Variants in LSAMP observed in about 807,000 individuals in gnomAD.
The protein encoded by LSAMP is limbic system associated membrane protein.
In LSAMP, 7 loss-of-function variants were observed where a neutral mutation model predicts 38.6. That is an observed-to-expected ratio of 0.18 (90% CI 0.10 to 0.34). The LOEUF is 0.34. Among genes scored for constraint, LSAMP ranks in the 10% least tolerant of loss-of-function variants. The probability of loss-of-function intolerance (pLI) is 1.00; values close to 1 mark genes in which losing one functional copy is unlikely to be tolerated. For missense variants in LSAMP, 313 were observed against 420.0 expected (o/e 0.75, Z 2.23); for synonymous variants, 154 against 166.8 (o/e 0.92, Z 0.59).
chr3:116,196,983 TC>T (rs1338956051), intron 1 of LSAMP, among the ~76,000 whole-genome samples: 1 of 152,156 alleles, frequency 6.6e-6, no homozygotes, highest in African/African-American at 2.4e-5. Context: ...GCCCAAACTG[TC>T]TGCACCTCCC....
intron 3 of LSAMP, among the ~76,000 whole-genome samples, chr3:115,905,374 A>G (rs538422574): frequency 3.3e-5 from 5 of 152,048 alleles, no homozygotes; most frequent in African/African-American, 4.8e-5. Flanking sequence ...TCTTCAGTGC[A>G]CAGACACATG....
At chr3:116,259,775 G>T (rs1563939) in intron 1 of LSAMP, among the ~76,000 whole-genome samples, 3 of 152,060 alleles carry the variant, frequency 2.0e-5, no homozygotes, top group African/African-American at 7.3e-5. Flanking sequence ...ATAAGAAAAA[G>T]TCTCAACTAA....
intron 1 of LSAMP, among the ~76,000 whole-genome samples, chr3:116,145,501 C>T (rs1381807739): frequency 1.3e-5 from 2 of 151,892 alleles, no homozygotes; most frequent in Non-Finnish European, 2.9e-5. Flanking sequence ...TTTGGAGGAC[C>T]TCAGTCTTTT....
intron 3 of LSAMP, among the ~76,000 whole-genome samples, chr3:115,973,076 G>A (rs1224522137): frequency 6.6e-6 from 1 of 151,992 alleles, no homozygotes; most frequent in Non-Finnish European, 1.5e-5. Context: ...AGGGAGAAAT[G>A]GGAGATAGAT....
At chr3:116,007,560 G>T (rs1012714542) in intron 3 of LSAMP, among the ~76,000 whole-genome samples, 1 of 152,098 alleles carries the variant, frequency 6.6e-6, no homozygotes, top group African/African-American at 2.4e-5. Context: ...AAGACAAAGT[G>T]GGAATTTCTG....
intron 6 of LSAMP, chr3:115,816,512 T>C (rs1376486145): frequency 4.7e-6 from 3 of 644,616 alleles, no homozygotes. Context: ...GAAATTGTTA[T>C]CACAAATTAT....
intron 1 of LSAMP, among the ~76,000 whole-genome samples, chr3:116,325,300 C>T (rs2047755309): frequency 6.6e-6 from 1 of 151,906 alleles, no homozygotes; most frequent in Admixed American, 6.6e-5. Flanking sequence ...ACCACCACAC[C>T]TGGCCTAAAT....
chr3:115,987,801 T>A (rs550681692), intron 3 of LSAMP, among the ~76,000 whole-genome samples: 1 of 152,278 alleles, frequency 6.6e-6, no homozygotes, highest in Non-Finnish European at 1.5e-5. Context: ...GCAAGCATAT[T>A]TTGCAGTCAG....
At chr3:116,173,606 T>TG (rs1559769952) in intron 1 of LSAMP, among the ~76,000 whole-genome samples, 2 of 151,986 alleles carry the variant, frequency 1.3e-5, no homozygotes, top group Non-Finnish European at 2.9e-5. Flanking sequence ...CATACTAGGT[T>TG]TCTATTATGT....
At chr3:116,236,775 T>A (rs895343308) in intron 1 of LSAMP, among the ~76,000 whole-genome samples, 9 of 152,042 alleles carry the variant, frequency 5.9e-5, no homozygotes, top group African/African-American at 2.2e-4. Flanking sequence ...GATATTTGAA[T>A]AAACCACAAT....
chr3:115,875,923 C>G (rs1036680467), intron 3 of LSAMP, among the ~76,000 whole-genome samples: 3 of 152,042 alleles, frequency 2.0e-5, no homozygotes, highest in Non-Finnish European at 4.4e-5. Flanking sequence ...CCTTAAGTAC[C>G]ATTAACAGCA....
At chr3:116,007,226 A>G (rs1940186867) in intron 3 of LSAMP, among the ~76,000 whole-genome samples, 1 of 152,220 alleles carries the variant, frequency 6.6e-6, no homozygotes, top group African/African-American at 2.4e-5. Flanking sequence ...CTTGAGAAAA[A>G]TTTCTGACTT....
chr3:115,949,989 TATG>T (rs1204161859), intron 3 of LSAMP, among the ~76,000 whole-genome samples: 1 of 152,034 alleles, frequency 6.6e-6, no homozygotes, highest in Non-Finnish European at 1.5e-5. Flanking sequence ...ACAAAAACCG[TATG>T]ATCATCTCAG....
At chr3:116,390,224 G>C (rs1213667959) in intron 1 of LSAMP, among the ~76,000 whole-genome samples, 1 of 151,924 alleles carries the variant, frequency 6.6e-6, no homozygotes. Context: ...TGCTTTGAAG[G>C]ATCTAGGATT....
rs549841217 is a variant in LSAMP, at chr3:115,941,855, G to A, written c.514+77660C>T. Among the ~76,000 whole-genome samples the A allele has an allele frequency of 1.1e-4, 16 of 152,178 alleles. 1 individual carries two copies. The highest frequency in any genetic ancestry group is 1.0e-3 in the Admixed American group (16 of 15,266). ...AAACTTTCAAATATGAGACAAACAA[G>A]TTCTGGGGATCTAATGCACAACTTG... On this transcript the variant is annotated intron_variant, in intron 3 of 6. Coordinates refer to ENST00000490035, the MANE Select transcript of LSAMP (RefSeq NM_002338.5).
At chr3:116,040,086 T>C (rs1941136231) in intron 2 of LSAMP, among the ~76,000 whole-genome samples, 1 of 152,120 alleles carries the variant, frequency 6.6e-6, no homozygotes, top group South Asian at 2.1e-4. Flanking sequence ...CAGTGCACAG[T>C]AGAATGACAT....
At chr3:116,087,876 A>G (rs1407235246) in intron 1 of LSAMP, among the ~76,000 whole-genome samples, 1 of 151,576 alleles carries the variant, frequency 6.6e-6, no homozygotes, top group Non-Finnish European at 1.5e-5. Flanking sequence ...AACGAATTGT[A>G]TATGTTATTT....
At chr3:115,941,199 T>C (rs1195965922) in intron 3 of LSAMP, among the ~76,000 whole-genome samples, 1 of 152,074 alleles carries the variant, frequency 6.6e-6, no homozygotes, top group African/African-American at 2.4e-5. Flanking sequence ...TCAACATCAC[T>C]AATCACCAGG....
At chr3:115,891,841 G>A (rs1936608136) in intron 3 of LSAMP, among the ~76,000 whole-genome samples, 1 of 151,924 alleles carries the variant, frequency 6.6e-6, no homozygotes, top group African/African-American at 2.4e-5. Flanking sequence ...AGTGGCTTCG[G>A]TTATCTTGGG....
Sources: gnomAD v4.1 joint callset for allele counts (sites outside exome capture counted in the v4.1 genomes callset) on GRCh38, gnomAD v4.1.1 for gene constraint, MANE v1.5 for transcripts, NCBI Gene and HGNC (gene_info 2026-07-23, HGNC 2026-07-21) for gene names.